Variants in SYNE1 observed in about 807,000 individuals in gnomAD.
The protein encoded by SYNE1 is nesprin-1.
Under a neutral mutation model 1,111.0 loss-of-function variants are expected in SYNE1, and 616 were observed. The observed-to-expected ratio is 0.55, with a 90% CI of 0.52 to 0.59. The LOEUF (loss-of-function observed/expected upper bound fraction) is 0.59, where lower values mean the gene tolerates loss of function less well. Among genes scored for constraint, SYNE1 ranks in the 20% least tolerant of loss-of-function variants. The pLI is 0.00. For missense variants in SYNE1, 10,006 were observed against 10,417.0 expected, an observed-to-expected ratio of 0.96 and a Z score of 1.72; for synonymous variants, 3,855 against 3,825.8, an observed-to-expected ratio of 1.01 and a Z score of -0.28.
chr6:152,494,857 G>C (rs953090352), intron 11 of SYNE1, among the ~76,000 whole-genome samples: 1 of 152,156 alleles, frequency 6.6e-6, no homozygotes, highest in East Asian at 1.9e-4. Context: ...ATGCTGATAA[G>C]ACAGCTAAAG....
At chr6:152,498,104 T>C (rs904660102) in intron 11 of SYNE1, among the ~76,000 whole-genome samples, 1 of 152,204 alleles carries the variant, frequency 6.6e-6, no homozygotes, top group Non-Finnish European at 1.5e-5. Flanking sequence ...TCTATTCCAA[T>C]GTTGATATAA....
Position 152,450,605 on chromosome 6 carries a change from G to C in SYNE1, c.3395+20C>G, listed in dbSNP as rs199945119. 2 of 1,606,430 alleles carry C rather than the reference G, an allele frequency of 1.2e-6. No homozygotes were observed. The highest frequency in any genetic ancestry group is 2.7e-5 in the African/African-American group (2 of 74,780). On this transcript the variant is annotated intron_variant, in intron 27 of 145. Transcript: ENST00000367255. Reference sequence around the variant, plus strand: ...ATTAAGTTTGACTACACCCCTCTCTGGAGGCCATTCTGAGGCTACCTGCTA... The same window carrying C: ...ATTAAGTTTGACTACACCCCTCTCTCGAGGCCATTCTGAGGCTACCTGCTA...
chr6:152,224,919 A>G (rs1298457094), intron 116 of SYNE1, among the ~76,000 whole-genome samples: 9 of 146,958 alleles, frequency 6.1e-5, no homozygotes, highest in African/African-American at 2.5e-5. Flanking sequence ...ATATATATGT[A>G]TATATATACA....
chr6:152,251,765 A>C (rs537780573), intron 104 of SYNE1, among the ~76,000 whole-genome samples: 1 of 152,320 alleles, frequency 6.6e-6, no homozygotes, highest in East Asian at 1.9e-4. Flanking sequence ...TCTCAAAAAA[A>C]ATAAAAATAA....
intron 27 of SYNE1, 133 bp downstream of exon 27, chr6:152,450,492 A>C (rs1358443575): frequency 2.1e-6 from 2 of 944,050 alleles, no homozygotes; most frequent in South Asian, 2.6e-5. Flanking sequence ...CATTCCTTTT[A>C]TTAAATGAAG....
At chr6:152,228,072 T>C (rs2082003638) in intron 115 of SYNE1, among the ~76,000 whole-genome samples, 1 of 152,200 alleles carries the variant, frequency 6.6e-6, no homozygotes, top group Non-Finnish European at 1.5e-5. Flanking sequence ...AAAATAAAGC[T>C]GGAATCCAGT....
intron 130 of SYNE1, among the ~76,000 whole-genome samples, chr6:152,173,110 T>C: frequency 6.6e-6 from 1 of 152,310 alleles, no homozygotes; most frequent in Admixed American, 6.5e-5. Flanking sequence ...TTTGTTGCCC[T>C]AAAAAATTGA....
At chr6:152,455,850 C>T in intron 23 of SYNE1, 36 bp downstream of exon 23, 1 of 1,613,704 alleles carries the variant, frequency 6.2e-7, no homozygotes. Context: ...TGCATTTTCC[C>T]TGGCTCACAG....
At chr6:152,381,524 G>A (rs2097415525) in intron 55 of SYNE1, 162 bp from the exon 56 acceptor site, 1 of 754,410 alleles carries the variant, frequency 1.3e-6, no homozygotes, top group African/African-American at 1.7e-5. Context: ...AATTATAATA[G>A]CGGGAGTTGT....
chr6:152,154,907 T>G lies in SYNE1; in HGVS notation c.24114A>C (p.Glu8038Asp). The G allele has an allele frequency of 6.2e-7, 1 of 1,614,186 alleles. No individual in the cohort carries two copies. The highest frequency in any genetic ancestry group is 8.5e-7 in the Non-Finnish European group (1 of 1,180,028). The change falls in exon 133 of 146, where the codon GAA becomes GAC. Residue 8038 changes from glutamate to aspartate, a missense_variant. Transcript: ENST00000367255. ...TATAGATTACCTCAAATTTCTTTAG[T>G]TCTTCCTTGGCAACTGTATAGATCA... ...SGVIYTVAKEELKKFEAFQRQ... is the reference protein window; with the variant it reads ...SGVIYTVAKEDLKKFEAFQRQ...
chr6:152,134,856 A>G, intron 142 of SYNE1: 1 of 494,402 alleles, frequency 2.0e-6, no homozygotes, highest in Non-Finnish European at 3.6e-6. Context: ...GCTTGAGAAC[A>G]CTAAGATTTT....
chr6:152,227,993 A>G (rs1291844281), intron 115 of SYNE1, among the ~76,000 whole-genome samples: 4 of 152,196 alleles, frequency 2.6e-5, no homozygotes, highest in African/African-American at 9.7e-5. Flanking sequence ...CATAAATATC[A>G]GTTTTATGTT....
At chr6:152,452,305 G>T (rs1430002852) in intron 25 of SYNE1, among the ~76,000 whole-genome samples, 5 of 151,318 alleles carry the variant, frequency 3.3e-5, no homozygotes, top group African/African-American at 1.2e-4. Flanking sequence ...TCCTAGAGGT[G>T]TGTGTGTGTG....
At chr6:152,244,736 T>C (rs2086666468) in intron 105 of SYNE1, 80 bp from the exon 106 acceptor site, 1 of 1,567,862 alleles carries the variant, frequency 6.4e-7, no homozygotes, top group African/African-American at 1.4e-5. Flanking sequence ...TATCTCTTTC[T>C]GTGTTCCTCC....
chr6:152,198,096 G>A (rs907540482), intron 127 of SYNE1, among the ~76,000 whole-genome samples: 11 of 151,834 alleles, frequency 7.2e-5, no homozygotes, highest in Non-Finnish European at 1.6e-4. Context: ...AAGGAAGGGA[G>A]GGAGGGAGGG....
Position 152,236,245 on chromosome 6 carries a change from C to T in SYNE1, c.20258G>A (p.Gly6753Glu). ...QPKLYQVLDD[G>E]KRLLISISCS... ...GCTGATGGATATCAGAAGTCGTTTC[C>T]CATCATCTAATACTTGATATAATTT... Residue 6753 changes from glycine (G) to glutamate (E), a missense_variant, in exon 110 of 146, where the codon GGG (glycine) becomes GAG (glutamate). Transcript: ENST00000367255. The T allele has an allele frequency of 6.2e-7, 1 of 1,614,006 alleles. No homozygotes were observed. The highest frequency in any genetic ancestry group is 8.5e-7 in the Non-Finnish European group (1 of 1,179,982).
At chr6:152,492,016 G>T (rs2098973199) in intron 11 of SYNE1, among the ~76,000 whole-genome samples, 1 of 152,076 alleles carries the variant, frequency 6.6e-6, no homozygotes, top group Non-Finnish European at 1.5e-5. Flanking sequence ...TTACAGAGGT[G>T]GCTGCAGCTC....
intron 91 of SYNE1, among the ~76,000 whole-genome samples, chr6:152,306,837 G>T (rs1016965660): frequency 2.1e-5 from 3 of 145,326 alleles, no homozygotes; most frequent in African/African-American, 5.1e-5. Flanking sequence ...AATAAGCCAT[G>T]ATCCCACTGT....
chr6:152,510,113 G>T (rs17842543), intron 8 of SYNE1, 80 bp downstream of exon 8: 1 of 1,369,986 alleles, frequency 7.3e-7, no homozygotes, highest in South Asian at 1.2e-5. Context: ...TTCACATTTC[G>T]CAATCATTAG....
Sources: gnomAD v4.1 joint callset for allele counts (sites outside exome capture counted in the v4.1 genomes callset) on GRCh38, gnomAD v4.1.1 for gene constraint, MANE v1.5 for transcripts, NCBI Gene and HGNC (gene_info 2026-07-23, HGNC 2026-07-21) for gene names.